Variants in CABCOCO1 observed in about 807,000 individuals in gnomAD.
The protein encoded by CABCOCO1 is ciliary-associated calcium-binding coiled-coil protein 1.
CABCOCO1 carries 28 observed loss-of-function variants against 35.7 expected under a neutral mutation model. That is an observed-to-expected ratio of 0.78 (90% CI 0.58 to 1.07). CABCOCO1 has a LOEUF of 1.07. Ranked by LOEUF, CABCOCO1 falls within the 50% of genes least tolerant of loss-of-function variation. CABCOCO1 has a pLI of 0.00. For missense variants in CABCOCO1, 326 were observed against 309.2 expected, an observed-to-expected ratio of 1.05 and a Z score of -0.41; for synonymous variants, 95 against 100.1, an observed-to-expected ratio of 0.95 and a Z score of 0.30.
At chr10:61,681,069 T>C in intron 2 of CABCOCO1, 74 bp from the exon 3 acceptor site, 1 of 923,132 alleles carries the variant, frequency 1.1e-6, no homozygotes, top group Non-Finnish European at 1.4e-6. Context: ...AAAAGACCTG[T>C]TTTCAAAACT....
chr10:61,681,182 T>G lies in CABCOCO1; in HGVS notation c.204T>G (p.Thr68=). The G allele has an allele frequency of 6.7e-7, 1 of 1,498,758 alleles. No individual in the cohort carries two copies. The highest frequency in any genetic ancestry group is 9.0e-7 in the Non-Finnish European group (1 of 1,116,122). 92.8% of individuals were successfully genotyped at this position (1,498,758 alleles called of 1,614,324 possible). The part of the protein sequence containing the change: ...RIFLNFKNLE[T]CLKDAILLDY... ...TTTTGAATTTCAAAAACCTTGAAAC[T>G]TGTTTAAAGGATGCCATTCTACTAG... The change falls in exon 3 of 8, where the codon ACT becomes ACG. Residue 68 remains threonine, a synonymous_variant. Coordinates refer to ENST00000648843, the MANE Select transcript of CABCOCO1 (RefSeq NM_001366906.2).
At chr10:61,700,235 T>G (rs973374546) in intron 5 of CABCOCO1, among the ~76,000 whole-genome samples, 3 of 151,960 alleles carry the variant, frequency 2.0e-5, no homozygotes, top group African/African-American at 7.2e-5. Context: ...AAATTTCTAT[T>G]CTAGGGGAGG....
intron 5 of CABCOCO1, among the ~76,000 whole-genome samples, chr10:61,721,552 A>G (rs1413841518): frequency 6.6e-6 from 1 of 152,174 alleles, no homozygotes; most frequent in Non-Finnish European, 1.5e-5. Flanking sequence ...GTATTAGTAG[A>G]GTCTAGTAAG....
intron 5 of CABCOCO1, among the ~76,000 whole-genome samples, chr10:61,723,170 A>C (rs1301757706): frequency 6.6e-6 from 1 of 152,258 alleles, no homozygotes; most frequent in Non-Finnish European, 1.5e-5. Flanking sequence ...ATTGCAGGAC[A>C]GCAAGGATGG....
intron 2 of CABCOCO1, among the ~76,000 whole-genome samples, chr10:61,673,267 T>C (rs2131957375): frequency 6.6e-6 from 1 of 152,360 alleles, no homozygotes; most frequent in African/African-American, 2.4e-5. Flanking sequence ...TTCCAATATA[T>C]GTACATCTCA....
At chr10:61,702,103 T>C (rs1471043585) in intron 5 of CABCOCO1, among the ~76,000 whole-genome samples, 2 of 152,176 alleles carry the variant, frequency 1.3e-5, no homozygotes, top group Non-Finnish European at 2.9e-5. Context: ...TTAAGTTTTA[T>C]GGAATGAATT....
intron 5 of CABCOCO1, 23 bp from the exon 6 acceptor site, chr10:61,760,036 T>C: frequency 6.2e-7 from 1 of 1,612,014 alleles, no homozygotes; most frequent in East Asian, 2.2e-5. Flanking sequence ...TCTGTCATAA[T>C]TCAACTTTTT....
chr10:61,693,315 AG>A (rs1840204988), intron 5 of CABCOCO1, among the ~76,000 whole-genome samples: 1 of 152,118 alleles, frequency 6.6e-6, no homozygotes. Flanking sequence ...CCTTTCATGG[AG>A]GAGGTAGGGG....
At chr10:61,707,568 T>C (rs1840624131) in intron 5 of CABCOCO1, among the ~76,000 whole-genome samples, 2 of 152,150 alleles carry the variant, frequency 1.3e-5, no homozygotes, top group South Asian at 4.1e-4. Flanking sequence ...GTAGTGGCTA[T>C]TCTCAGTAGG....
At chr10:61,673,031 A>G (rs929317973) in intron 2 of CABCOCO1, among the ~76,000 whole-genome samples, 2 of 152,202 alleles carry the variant, frequency 1.3e-5, no homozygotes, top group East Asian at 1.9e-4. Flanking sequence ...TCTTTCATTC[A>G]TAAAACTGTC....
intron 5 of CABCOCO1, among the ~76,000 whole-genome samples, chr10:61,731,328 A>G (rs1296078696): frequency 6.6e-6 from 1 of 152,012 alleles, no homozygotes; most frequent in Admixed American, 6.6e-5. Flanking sequence ...TGGTCATCTG[A>G]GCTATCAGGA....
At chr10:61,740,103 A>C (rs180875220) in intron 5 of CABCOCO1, among the ~76,000 whole-genome samples, 10 of 152,372 alleles carry the variant, frequency 6.6e-5, no homozygotes, top group Non-Finnish European at 1.3e-4. Context: ...TTTTCATAAT[A>C]ATAATGAGAT....
chr10:61,695,165 TAAA>T (rs907855243), intron 5 of CABCOCO1, among the ~76,000 whole-genome samples: 1 of 150,606 alleles, frequency 6.6e-6, no homozygotes, highest in Non-Finnish European at 1.5e-5. Context: ...TTTTAGCAGA[TAAA>T]AAAAGATTAC....
chr10:61,709,730 C>T (rs996507551), intron 5 of CABCOCO1, among the ~76,000 whole-genome samples: 4 of 151,890 alleles, frequency 2.6e-5, no homozygotes, highest in African/African-American at 9.7e-5. Context: ...CAACTCAATG[C>T]TGCTTCCCCT....
rs1176912766 is a variant in CABCOCO1, at chr10:61,680,701, TGTTATACATGTATAACATATATATTA to T, written c.165-441_165-416del. On this transcript the variant is annotated intron_variant, in intron 2 of 7. Coordinates refer to ENST00000648843, the MANE Select transcript of CABCOCO1 (RefSeq NM_001366906.2). ...ATGTTATACATGTATAACATATATATGTTATACATGTATAACATATATATTATATATATAATATATATATCTCAGAA... is the reference window on the plus strand; with the variant it reads ...ATGTTATACATGTATAACATATATATTATATATAATATATATATCTCAGAA... Among the ~76,000 whole-genome samples, 8 of 121,876 alleles carry T rather than the reference TGTTATACATGTATAACATATATATTA, an allele frequency of 6.6e-5. 1 individual carries two copies. The highest frequency in any genetic ancestry group is 2.1e-4 in the African/African-American group (7 of 33,260). The allele number at this position is 121,876 out of a possible 152,430, so 80.0% of individuals were successfully genotyped here.
intron 5 of CABCOCO1, among the ~76,000 whole-genome samples, chr10:61,750,756 A>G (rs771845879): frequency 2.0e-5 from 3 of 152,204 alleles, no homozygotes; most frequent in South Asian, 2.1e-4. Flanking sequence ...TTCAAGAAAA[A>G]TATTTAAACT....
chr10:61,677,028 C>T (rs1361243029), intron 2 of CABCOCO1, among the ~76,000 whole-genome samples: 1 of 149,404 alleles, frequency 6.7e-6, no homozygotes, highest in Non-Finnish European at 1.5e-5. Context: ...GGAGCCACTG[C>T]ACTCCAGCCT....
chr10:61,704,264 A>G (rs987989582), intron 5 of CABCOCO1, among the ~76,000 whole-genome samples: 15 of 152,156 alleles, frequency 9.9e-5, no homozygotes, highest in African/African-American at 3.4e-4. Flanking sequence ...CAAATATTCT[A>G]GAACTTAATT....
intron 7 of CABCOCO1, among the ~76,000 whole-genome samples, chr10:61,761,452 T>G (rs1247562131): frequency 6.6e-6 from 1 of 152,072 alleles, no homozygotes; most frequent in Admixed American, 6.6e-5. Context: ...CAGTAATGGC[T>G]AAGCAGTTTA....
Sources: allele counts gnomAD v4.1 joint callset (sites outside exome capture counted in the v4.1 genomes callset), GRCh38; gene constraint gnomAD v4.1.1; transcripts MANE v1.5; gene names NCBI Gene and HGNC (gene_info 2026-07-23, HGNC 2026-07-21).